The following RSPO2 variants were observed in gnomAD, a reference collection of about 807,000 sequenced individuals.
RSPO2 encodes the protein R-spondin-2.
Under a neutral mutation model 30.9 loss-of-function variants are expected in RSPO2, and 14 were observed. The ratio of observed to expected loss-of-function variants is 0.45; its 90% CI spans 0.30 to 0.71. The LOEUF is 0.71. Ranked by LOEUF, RSPO2 falls within the 30% of genes least tolerant of loss-of-function variation. RSPO2 has a pLI of 0.08. For synonymous variants in RSPO2, 107 were observed against 96.4 expected, an observed-to-expected ratio of 1.11 and a Z score of -0.64; for missense variants, 264 against 301.9, an observed-to-expected ratio of 0.87 and a Z score of 0.93.
At chr8:108,003,299 ATATATATATATATTTTTTTTTTTTTTTTT>A (rs1346690650) in intron 2 of RSPO2, among the ~76,000 whole-genome samples, 4 of 23,290 alleles carry the variant, frequency 1.7e-4, no homozygotes, top group African/African-American at 7.7e-4. Context: ...ATATATATAT[ATATATATATATATTTTTTTTTTTTTTTTT>A]TTTTTTTTTA....
chr8:108,014,316 C>T (rs1453358172), intron 2 of RSPO2, among the ~76,000 whole-genome samples: 1 of 152,112 alleles, frequency 6.6e-6, no homozygotes, highest in East Asian at 1.9e-4. Context: ...CCAGAAATAC[C>T]ATTTGACCCA....
At chr8:108,037,517 C>T (rs995511194) in intron 2 of RSPO2, among the ~76,000 whole-genome samples, 1 of 152,132 alleles carries the variant, frequency 6.6e-6, no homozygotes, top group African/African-American at 2.4e-5. Flanking sequence ...GAAGCTACAG[C>T]AAGTTGTCTA....
intron 2 of RSPO2, among the ~76,000 whole-genome samples, chr8:108,025,171 G>T (rs1413559754): frequency 6.6e-6 from 1 of 152,128 alleles, no homozygotes; most frequent in East Asian, 1.9e-4. Context: ...TGCTGAGAAG[G>T]CATAGAAATA....
At chr8:107,986,549 T>C (rs1035070795) in intron 3 of RSPO2, among the ~76,000 whole-genome samples, 23 of 152,328 alleles carry the variant, frequency 1.5e-4, no homozygotes, top group African/African-American at 5.5e-4. Context: ...CTACAAAGTA[T>C]TGCTCAGGTG....
intron 5 of RSPO2, among the ~76,000 whole-genome samples, chr8:107,909,724 A>C (rs775056522): frequency 6.6e-5 from 10 of 152,236 alleles, no homozygotes; most frequent in Non-Finnish European, 1.3e-4. Flanking sequence ...AATTCTGCAT[A>C]AATAACAACT....
At chr8:108,070,278 C>CTTTT (rs1050611219) in intron 2 of RSPO2, among the ~76,000 whole-genome samples, 863 of 81,182 alleles carry the variant, frequency 0.011, 12 homozygotes, top group Middle Eastern at 0.028. Context: ...GACCCCATCT[C>CTTTT]TTTTTTTTTT....
intron 5 of RSPO2, among the ~76,000 whole-genome samples, chr8:107,953,491 G>A (rs754811444): frequency 4.6e-5 from 7 of 152,208 alleles, no homozygotes; most frequent in Non-Finnish European, 8.8e-5. Context: ...AAGGGATGGC[G>A]ATGGCAGGGT....
intron 2 of RSPO2, among the ~76,000 whole-genome samples, chr8:108,032,389 T>G (rs1811450667): frequency 6.6e-6 from 1 of 152,208 alleles, no homozygotes; most frequent in African/African-American, 2.4e-5. Flanking sequence ...TTCTGTCACC[T>G]TAATACAGTT....
intron 2 of RSPO2, among the ~76,000 whole-genome samples, chr8:108,001,472 G>T (rs935886151): frequency 6.6e-6 from 1 of 152,088 alleles, no homozygotes; most frequent in East Asian, 1.9e-4. Flanking sequence ...TACACTAGAC[G>T]TTAATTCTCA....
chr8:108,059,876 T>G, intron 2 of RSPO2, among the ~76,000 whole-genome samples: 1 of 135,240 alleles, frequency 7.4e-6, no homozygotes, highest in Admixed American at 7.2e-5. Flanking sequence ...GGGGGAGGGA[T>G]AGCTTTAGGA....
At chr8:108,066,358 C>G (rs1484859809) in intron 2 of RSPO2, among the ~76,000 whole-genome samples, 1 of 152,124 alleles carries the variant, frequency 6.6e-6, no homozygotes, top group Non-Finnish European at 1.5e-5. Flanking sequence ...TCTCTGAAAG[C>G]TATTAACAGA....
At chr8:107,994,040 G>C (rs1435735826) in intron 2 of RSPO2, among the ~76,000 whole-genome samples, 1 of 152,004 alleles carries the variant, frequency 6.6e-6, no homozygotes, top group African/African-American at 2.4e-5. Flanking sequence ...ATATGAGTTG[G>C]GGTCATGGGG....
At chr8:107,922,746 T>C (rs1420395335) in intron 5 of RSPO2, among the ~76,000 whole-genome samples, 1 of 151,496 alleles carries the variant, frequency 6.6e-6, no homozygotes, top group African/African-American at 2.4e-5. Context: ...TACAAAAACA[T>C]ACATGGAAAA....
chr8:108,022,191 G>T (rs2437002), intron 2 of RSPO2, among the ~76,000 whole-genome samples: 99,620 of 151,984 alleles, frequency 0.66, 35,277 homozygotes, highest in African/African-American at 0.91. Flanking sequence ...CACCCTGTAG[G>T]CAAACAGCCA....
intron 2 of RSPO2, among the ~76,000 whole-genome samples, chr8:108,069,473 C>A (rs1812776064): frequency 1.3e-5 from 2 of 152,236 alleles, no homozygotes; most frequent in South Asian, 4.2e-4. Flanking sequence ...CGGCCTCCCA[C>A]AGTGCTGGGA....
intron 5 of RSPO2, among the ~76,000 whole-genome samples, chr8:107,945,276 TCTCA>T (rs1813023767): frequency 8.5e-6 from 1 of 117,590 alleles, no homozygotes; most frequent in East Asian, 3.0e-4. Context: ...TGAGACAGAG[TCTCA>T]CTCTGTCACC....
intron 2 of RSPO2, among the ~76,000 whole-genome samples, chr8:107,998,041 G>C (rs1308067289): frequency 6.6e-6 from 1 of 152,260 alleles, no homozygotes; most frequent in Admixed American, 6.5e-5. Flanking sequence ...TGGGCTGTTG[G>C]CATCTTAGCC....
intron 3 of RSPO2, among the ~76,000 whole-genome samples, chr8:107,987,272 C>T (rs1322413310): frequency 6.6e-6 from 1 of 152,110 alleles, no homozygotes; most frequent in Non-Finnish European, 1.5e-5. Context: ...TTATAATAGC[C>T]TTCCTTTACT....
At chr8:108,058,791 C>T (rs929188219) in intron 2 of RSPO2, among the ~76,000 whole-genome samples, 3 of 151,778 alleles carry the variant, frequency 2.0e-5, no homozygotes, top group African/African-American at 7.3e-5. Flanking sequence ...AACTGGCTAG[C>T]TATATGTAGA....
Sources: gnomAD v4.1 joint callset for allele counts (sites outside exome capture counted in the v4.1 genomes callset) on GRCh38, gnomAD v4.1.1 for gene constraint, MANE v1.5 for transcripts, NCBI Gene and HGNC (gene_info 2026-07-23, HGNC 2026-07-21) for gene names.